COP1: variants seen among roughly 807,000 people sequenced by gnomAD.
The protein encoded by COP1 is E3 ubiquitin-protein ligase COP1.
In COP1, 24 loss-of-function variants were observed where a neutral mutation model predicts 101.3. That is an observed-to-expected ratio of 0.24 (90% CI 0.17 to 0.33). The LOEUF is 0.33. Among genes scored for constraint, COP1 ranks in the 10% least tolerant of loss-of-function variants. The pLI is 1.00. For missense variants in COP1, 663 were observed against 906.2 expected (o/e 0.73, Z 3.45); for synonymous variants, 347 against 341.9 (o/e 1.01, Z -0.17).
chr1:176,180,604 A>G (rs1334896704), intron 2 of COP1, among the ~76,000 whole-genome samples: 1 of 152,230 alleles, frequency 6.6e-6, no homozygotes, highest in African/African-American at 2.4e-5. Context: ...GTATCTGCTA[A>G]TAAAAAATGT....
chr1:176,136,572 G>T (rs775699766), intron 6 of COP1, 25 bp from the exon 7 acceptor site: 4 of 1,355,870 alleles, frequency 3.0e-6, no homozygotes, highest in Non-Finnish European at 3.9e-6. Flanking sequence ...GAGAGAGAAA[G>T]ACAAAAAAAA....
intron 15 of COP1, among the ~76,000 whole-genome samples, chr1:176,015,833 G>A (rs1453756874): frequency 1.3e-5 from 2 of 152,158 alleles, no homozygotes; most frequent in African/African-American, 4.8e-5. Context: ...ACTTTTAAGT[G>A]GAATTATGGT....
intron 11 of COP1, 128 bp from the exon 12 acceptor site, chr1:176,046,452 G>T: frequency 1.3e-6 from 1 of 797,618 alleles, no homozygotes; most frequent in Non-Finnish European, 2.0e-6. Flanking sequence ...CTCATATCCA[G>T]ATTAAGTAAT....
chr1:176,174,233 T>C (rs1696592863), intron 3 of COP1, among the ~76,000 whole-genome samples: 1 of 152,082 alleles, frequency 6.6e-6, no homozygotes, highest in Non-Finnish European at 1.5e-5. Context: ...AGTAAGTAGT[T>C]TTCCAAAGTT....
At chr1:176,079,834 T>C (rs868244561) in intron 11 of COP1, among the ~76,000 whole-genome samples, 4 of 152,294 alleles carry the variant, frequency 2.6e-5, no homozygotes, top group Middle Eastern at 3.4e-3. Flanking sequence ...TCCATTTTCC[T>C]GTATAAATTT....
rs188181818 is a variant in COP1, at chr1:175,981,545, T to A, written c.2133+5398A>T. ...CTCAAAATGATTAGAGGCTTAAACA[T>A]AAGACTGAAAACTGTAAAACTACTA... On this transcript the variant is annotated intron_variant, in intron 18 of 19. Transcript: ENST00000367669. Among the ~76,000 whole-genome samples, 633 of 152,248 alleles carry A rather than the reference T, an allele frequency of 4.2e-3. 2 individuals carry two copies. The highest frequency in any genetic ancestry group is 7.4e-3 in the Non-Finnish European group (503 of 68,008).
intron 15 of COP1, among the ~76,000 whole-genome samples, chr1:175,999,906 CTTT>C (rs1299454401): frequency 6.6e-6 from 1 of 152,038 alleles, no homozygotes; most frequent in Non-Finnish European, 1.5e-5. Context: ...TATATGTCTT[CTTT>C]TGAGAAATGT....
chr1:176,202,628 T>C (rs755629071), intron 1 of COP1, among the ~76,000 whole-genome samples: 35 of 150,702 alleles, frequency 2.3e-4, no homozygotes, highest in Non-Finnish European at 4.6e-4. Context: ...AGCCCAGGAG[T>C]TTGAGACTAG....
chr1:176,174,418 C>G (rs988284371), intron 3 of COP1, among the ~76,000 whole-genome samples: 1 of 152,170 alleles, frequency 6.6e-6, no homozygotes, highest in African/African-American at 2.4e-5. Flanking sequence ...CTCAATATTT[C>G]TCTTTGTTCT....
chr1:175,947,264 A>C, intron 18 of COP1, 25 bp from the exon 19 acceptor site: 4 of 1,550,550 alleles, frequency 2.6e-6, no homozygotes, highest in African/African-American at 1.4e-5. Flanking sequence ...GAGCTTTTAA[A>C]GTATAGAGAA....
intron 15 of COP1, among the ~76,000 whole-genome samples, chr1:176,012,786 A>G (rs1169057847): frequency 6.6e-6 from 1 of 152,166 alleles, no homozygotes; most frequent in East Asian, 1.9e-4. Flanking sequence ...CAAGCTATAC[A>G]GGTTTGTAGC....
intron 18 of COP1, among the ~76,000 whole-genome samples, chr1:175,977,687 G>C (rs1265731488): frequency 6.6e-6 from 1 of 151,126 alleles, no homozygotes; most frequent in Non-Finnish European, 1.5e-5. Flanking sequence ...CTTTTCCCCA[G>C]ACAATCTGTA....
At chr1:175,960,575 C>G (rs900665217) in intron 18 of COP1, among the ~76,000 whole-genome samples, 29 of 151,916 alleles carry the variant, frequency 1.9e-4, no homozygotes, top group African/African-American at 6.3e-4. Context: ...AGAAGCAAGT[C>G]AAAATTGTCA....
At chr1:176,125,367 A>C (rs1006052316) in intron 8 of COP1, among the ~76,000 whole-genome samples, 1 of 152,146 alleles carries the variant, frequency 6.6e-6, no homozygotes, top group Non-Finnish European at 1.5e-5. Context: ...GTAGTTTCAC[A>C]GTTTGAGGCC....
intron 15 of COP1, among the ~76,000 whole-genome samples, chr1:176,002,733 C>T (rs1417449370): frequency 1.4e-5 from 2 of 146,148 alleles, no homozygotes; most frequent in African/African-American, 5.1e-5. Flanking sequence ...ATATGTGCCA[C>T]ATTTTCTTAA....
intron 18 of COP1, among the ~76,000 whole-genome samples, chr1:175,961,439 A>G (rs541153191): frequency 3.3e-4 from 51 of 152,302 alleles, no homozygotes; most frequent in African/African-American, 1.2e-3. Flanking sequence ...TAGATATCAC[A>G]TGCCAGATAA....
At chr1:176,019,314 T>A (rs536095003) in intron 15 of COP1, among the ~76,000 whole-genome samples, 1 of 150,566 alleles carries the variant, frequency 6.6e-6, no homozygotes, top group African/African-American at 2.4e-5. Flanking sequence ...AATACAAAAA[T>A]TAGCTGAGCA....
At chr1:176,012,521 C>A (rs1177609959) in intron 15 of COP1, among the ~76,000 whole-genome samples, 1 of 152,160 alleles carries the variant, frequency 6.6e-6, no homozygotes, top group Non-Finnish European at 1.5e-5. Context: ...TATTACTAAA[C>A]AAAGAACTAT....
At chr1:176,082,122 G>A (rs1217999990) in intron 10 of COP1, among the ~76,000 whole-genome samples, 4 of 152,112 alleles carry the variant, frequency 2.6e-5, no homozygotes, top group African/African-American at 9.7e-5. Context: ...TAAAAGCATA[G>A]ATTTAAAAAA....
Sources: allele counts gnomAD v4.1 joint callset (sites outside exome capture counted in the v4.1 genomes callset), GRCh38; gene constraint gnomAD v4.1.1; transcripts MANE v1.5; gene names NCBI Gene and HGNC (gene_info 2026-07-23, HGNC 2026-07-21).